The following ZNF385D variants were observed in gnomAD, a reference collection of about 807,000 sequenced individuals.
ZNF385D encodes zinc finger protein 385D, also known as zinc finger protein 659.
In ZNF385D, 15 loss-of-function variants were observed where a neutral mutation model predicts 35.8. That is an observed-to-expected ratio of 0.42 (90% CI 0.28 to 0.64). The LOEUF is 0.64. Among genes scored for constraint, ZNF385D ranks in the 30% least tolerant of loss-of-function variants. The pLI, the probability that ZNF385D is intolerant of heterozygous loss-of-function variation, is 0.23. For synonymous variants in ZNF385D, 212 were observed against 186.8 expected (o/e 1.13, Z -1.10); for missense variants, 474 against 494.6 (o/e 0.96, Z 0.39).
chr3:21,427,439 A>C (rs1240808343), intron 5 of ZNF385D, among the ~76,000 whole-genome samples: 1 of 152,168 alleles, frequency 6.6e-6, no homozygotes, highest in Non-Finnish European at 1.5e-5. Flanking sequence ...TGTGATTGGT[A>C]GCTGGTGTTT....
chr3:22,156,414 T>G (rs1705584543), intron 3 of ZNF385D, among the ~76,000 whole-genome samples: 1 of 152,108 alleles, frequency 6.6e-6, no homozygotes, highest in African/African-American at 2.4e-5. Flanking sequence ...ATGGATTACA[T>G]GCTCTTCAAA....
At chr3:21,737,096 C>T (rs1055960820) in intron 1 of ZNF385D, among the ~76,000 whole-genome samples, 3 of 152,126 alleles carry the variant, frequency 2.0e-5, no homozygotes, top group Non-Finnish European at 4.4e-5. Flanking sequence ...CTTGCCACCA[C>T]GCCTGGATAA....
intron 2 of ZNF385D, among the ~76,000 whole-genome samples, chr3:21,658,011 T>C (rs919420333): frequency 2.0e-5 from 3 of 151,932 alleles, no homozygotes; most frequent in Admixed American, 2.0e-4. Flanking sequence ...TTCTGAAGGG[T>C]ATATATCCAA....
At chr3:21,974,103 G>C (rs557296444) in intron 3 of ZNF385D, among the ~76,000 whole-genome samples, 1 of 152,076 alleles carries the variant, frequency 6.6e-6, no homozygotes, top group African/African-American at 2.4e-5. Context: ...AAAAGTCCCA[G>C]AATAGACAAA....
intron 2 of ZNF385D, among the ~76,000 whole-genome samples, chr3:21,615,784 T>G (rs2064827531): frequency 1.4e-5 from 1 of 70,820 alleles, no homozygotes; most frequent in Admixed American, 1.6e-4. Flanking sequence ...GCAAAGAAAA[T>G]GGAGAAAGAG....
chr3:21,515,942 T>C (rs1310556691), intron 3 of ZNF385D, among the ~76,000 whole-genome samples: 1 of 152,232 alleles, frequency 6.6e-6, no homozygotes, highest in East Asian at 1.9e-4. Flanking sequence ...ATCACTATTG[T>C]AGAACCTAAA....
At chr3:22,158,102 T>C (rs187660863) in intron 3 of ZNF385D, among the ~76,000 whole-genome samples, 35 of 152,256 alleles carry the variant, frequency 2.3e-4, no homozygotes, top group African/African-American at 7.9e-4. Flanking sequence ...GTTCCCTCTA[T>C]CCTCTCCTAT....
At chr3:21,994,817 G>T (rs975619518) in intron 3 of ZNF385D, among the ~76,000 whole-genome samples, 2 of 152,230 alleles carry the variant, frequency 1.3e-5, no homozygotes, top group Non-Finnish European at 2.9e-5. Context: ...TGCATCAATA[G>T]TGTCTATGAT....
chr3:21,989,088 A>G (rs1400469172), intron 3 of ZNF385D, among the ~76,000 whole-genome samples: 1 of 152,006 alleles, frequency 6.6e-6, no homozygotes, highest in Non-Finnish European at 1.5e-5. Flanking sequence ...GGTACCTCAG[A>G]TGGAAATGCA....
chr3:22,040,863 G>T (rs182559501), intron 3 of ZNF385D, among the ~76,000 whole-genome samples: 1 of 152,208 alleles, frequency 6.6e-6, no homozygotes, highest in South Asian at 2.1e-4. Context: ...GTTTGCAATG[G>T]TCAAGTGTCT....
intron 3 of ZNF385D, among the ~76,000 whole-genome samples, chr3:21,812,857 G>C (rs983917966): frequency 1.3e-5 from 2 of 152,198 alleles, no homozygotes; most frequent in East Asian, 1.9e-4. Context: ...AGTTCTCCCA[G>C]CATGGAGTTT....
At chr3:21,923,010 T>A (rs760202483) in intron 3 of ZNF385D, among the ~76,000 whole-genome samples, 21 of 150,654 alleles carry the variant, frequency 1.4e-4, no homozygotes, top group Non-Finnish European at 2.4e-4. Flanking sequence ...GACATACAAG[T>A]GGCCAACAAA....
chr3:21,829,306 A>G (rs746739722), intron 3 of ZNF385D, among the ~76,000 whole-genome samples: 4 of 152,144 alleles, frequency 2.6e-5, no homozygotes, highest in Non-Finnish European at 4.4e-5. Context: ...AGTCTCTGAG[A>G]TATGAGACTT....
chr3:22,066,140 A>C (rs1321133677), intron 3 of ZNF385D, among the ~76,000 whole-genome samples: 3 of 151,966 alleles, frequency 2.0e-5, no homozygotes, highest in Admixed American at 6.6e-5. Flanking sequence ...GAGGAAAAAA[A>C]TACCATTTTT....
At chr3:21,882,016 G>C (rs190309219) in intron 3 of ZNF385D, among the ~76,000 whole-genome samples, 93 of 152,150 alleles carry the variant, frequency 6.1e-4, no homozygotes, top group African/African-American at 2.2e-3. Context: ...AGCAAAGAAA[G>C]TGGTTTCTTG....
At chr3:22,207,631 A>G (rs112578739) in intron 2 of ZNF385D, among the ~76,000 whole-genome samples, 1 of 152,136 alleles carries the variant, frequency 6.6e-6, no homozygotes, top group African/African-American at 2.4e-5. Flanking sequence ...AGCAAATGAA[A>G]CAATCAACAA....
chr3:21,423,241 G>C (rs777976346), intron 7 of ZNF385D, among the ~76,000 whole-genome samples: 1 of 152,148 alleles, frequency 6.6e-6, no homozygotes. Context: ...GATAATTGCA[G>C]TTTTCCTTTA....
chr3:21,897,891 T>C (rs1215191219), intron 3 of ZNF385D, among the ~76,000 whole-genome samples: 1 of 152,172 alleles, frequency 6.6e-6, no homozygotes, highest in African/African-American at 2.4e-5. Flanking sequence ...GCCTAATCAA[T>C]ACCCAGCATG....
intron 3 of ZNF385D, among the ~76,000 whole-genome samples, chr3:21,925,133 T>C (rs769355594): frequency 2.6e-5 from 4 of 152,184 alleles, no homozygotes; most frequent in Non-Finnish European, 5.9e-5. Context: ...AAGACTTTTA[T>C]AGGTATACAT....
Sources: gnomAD v4.1 joint callset for allele counts (sites outside exome capture counted in the v4.1 genomes callset) on GRCh38, gnomAD v4.1.1 for gene constraint, MANE v1.5 for transcripts, NCBI Gene and HGNC (gene_info 2026-07-23, HGNC 2026-07-21) for gene names.